Variants in KCNIP1 observed in about 807,000 individuals in gnomAD.
KCNIP1 encodes the protein A-type potassium channel modulatory protein KCNIP1.
A neutral mutation model predicts 33.0 loss-of-function variants in KCNIP1; 18 were observed. The observed-to-expected ratio is 0.55, with a 90% CI of 0.38 to 0.81. KCNIP1 has a LOEUF of 0.81. KCNIP1 is among the 30% of genes least tolerant of loss of function. KCNIP1 has a pLI of 0.00. For synonymous variants in KCNIP1, 93 were observed against 98.3 expected, an observed-to-expected ratio of 0.95 and a Z score of 0.32; for missense variants, 238 against 271.6, an observed-to-expected ratio of 0.88 and a Z score of 0.87.
intron 1 of KCNIP1, among the ~76,000 whole-genome samples, chr5:170,354,406 G>A (rs1280343523): frequency 6.6e-6 from 1 of 152,188 alleles, no homozygotes; most frequent in East Asian, 1.9e-4. Flanking sequence ...GTGATGGGCC[G>A]GCATCTGCTT....
At chr5:170,721,704 T>C (rs1341553821) in intron 3 of KCNIP1, 129 bp from the exon 4 acceptor site, 16 of 1,605,990 alleles carry the variant, frequency 1.0e-5, no homozygotes, top group Non-Finnish European at 1.3e-5. Flanking sequence ...CCCCACTCCA[T>C]AATTTTCTCC....
At chr5:170,481,591 A>G (rs577317613) in intron 1 of KCNIP1, among the ~76,000 whole-genome samples, 1 of 152,140 alleles carries the variant, frequency 6.6e-6, no homozygotes. Context: ...TATATGTTAC[A>G]CCTCACTTTT....
intron 1 of KCNIP1, among the ~76,000 whole-genome samples, chr5:170,380,235 C>G (rs1764185102): frequency 6.6e-6 from 1 of 152,206 alleles, no homozygotes; most frequent in Non-Finnish European, 1.5e-5. Context: ...GGTTTTATCT[C>G]TGTTCTGAGC....
At chr5:170,470,059 A>G (rs1756689435) in intron 1 of KCNIP1, among the ~76,000 whole-genome samples, 1 of 152,124 alleles carries the variant, frequency 6.6e-6, no homozygotes, top group Non-Finnish European at 1.5e-5. Flanking sequence ...CCTGTGTGAA[A>G]ATGGAAGAGC....
intron 1 of KCNIP1, among the ~76,000 whole-genome samples, chr5:170,441,897 A>G (rs1023781365): frequency 7.0e-6 from 1 of 142,560 alleles, no homozygotes; most frequent in South Asian, 2.3e-4. Context: ...GCTTGCAGTG[A>G]GCCAAGATCG....
intron 1 of KCNIP1, among the ~76,000 whole-genome samples, chr5:170,421,817 G>C (rs1755501343): frequency 1.3e-5 from 2 of 152,198 alleles, no homozygotes; most frequent in Non-Finnish European, 2.9e-5. Flanking sequence ...CAGAGTTTCA[G>C]TGAACCAAGA....
At chr5:170,477,995 G>A (rs559260076) in intron 1 of KCNIP1, among the ~76,000 whole-genome samples, 9 of 152,292 alleles carry the variant, frequency 5.9e-5, no homozygotes, top group Middle Eastern at 3.4e-3. Context: ...TGGTTGCTGG[G>A]GAGGTGTCAG....
rs552980398 is a variant in KCNIP1, at chr5:170,736,040, A to G, written c.*234A>G. 4.0e-5 allele frequency: 22 copies of G among 551,324 alleles called. No individual in the cohort carries two copies. In the South Asian group the frequency reaches 5.5e-4, roughly 14 times the overall value. 34.2% of individuals were successfully genotyped at this position (551,324 alleles called of 1,614,324 possible). Reference sequence around the variant, plus strand: ...CTTGAGAGAGACAAGATGAAATTTGAGTTTGTTTTGGAAGCATGCTCATCT... The same window carrying G: ...CTTGAGAGAGACAAGATGAAATTTGGGTTTGTTTTGGAAGCATGCTCATCT... On this transcript the variant is annotated 3_prime_UTR_variant, in exon 8 of 8. Coordinates refer to ENST00000328939, the MANE Select transcript of KCNIP1 (RefSeq NM_014592.4).
intron 1 of KCNIP1, among the ~76,000 whole-genome samples, chr5:170,556,353 G>A (rs941772089): frequency 6.6e-6 from 1 of 152,248 alleles, no homozygotes; most frequent in African/African-American, 2.4e-5. Flanking sequence ...AATGATTTGA[G>A]GGTGATAGCA....
chr5:170,488,783 G>A (rs74917009), intron 1 of KCNIP1, among the ~76,000 whole-genome samples: 3,979 of 152,302 alleles, frequency 0.026, 62 homozygotes, highest in Non-Finnish European at 0.039. Context: ...CCGGGGAAGG[G>A]TGTCTTGAGT....
At chr5:170,666,067 T>C (rs1427566602) in intron 1 of KCNIP1, among the ~76,000 whole-genome samples, 1 of 152,202 alleles carries the variant, frequency 6.6e-6, no homozygotes, top group Non-Finnish European at 1.5e-5. Context: ...AGTCACTGTG[T>C]GCAACTCACA....
At chr5:170,435,831 G>A (rs76215079) in intron 1 of KCNIP1, among the ~76,000 whole-genome samples, 8,829 of 152,106 alleles carry the variant, frequency 0.058, 489 homozygotes, top group African/African-American at 0.13. Context: ...TTCAAGGACA[G>A]GTACCTGGAA....
intron 1 of KCNIP1, among the ~76,000 whole-genome samples, chr5:170,640,598 C>T (rs1760502623): frequency 6.6e-6 from 1 of 152,176 alleles, no homozygotes; most frequent in Middle Eastern, 3.2e-3. Flanking sequence ...CACAGAACAG[C>T]GTCCATCCCT....
At chr5:170,709,270 A>G (rs761010259) in intron 1 of KCNIP1, among the ~76,000 whole-genome samples, 6 of 152,130 alleles carry the variant, frequency 3.9e-5, no homozygotes, top group Non-Finnish European at 8.8e-5. Context: ...ATGACTGTGA[A>G]TTTATTATTT....
intron 1 of KCNIP1, among the ~76,000 whole-genome samples, chr5:170,592,196 GT>G (rs1198829591): frequency 6.6e-6 from 1 of 152,094 alleles, no homozygotes; most frequent in African/African-American, 2.4e-5. Flanking sequence ...TGCTTTGCAG[GT>G]TTTGATTTGT....
intron 1 of KCNIP1, among the ~76,000 whole-genome samples, chr5:170,709,314 G>T (rs1294134831): frequency 2.0e-5 from 3 of 151,994 alleles, no homozygotes; most frequent in Admixed American, 1.3e-4. Context: ...TGCTTTATTT[G>T]TATTTTGAAG....
At chr5:170,556,550 T>C (rs558634596) in intron 1 of KCNIP1, among the ~76,000 whole-genome samples, 1 of 152,200 alleles carries the variant, frequency 6.6e-6, no homozygotes, top group East Asian at 1.9e-4. Flanking sequence ...TGGGAGCCGA[T>C]GTCAACAGGG....
At chr5:170,598,900 TGC>T (rs869212626) in intron 1 of KCNIP1, among the ~76,000 whole-genome samples, 26 of 89,544 alleles carry the variant, frequency 2.9e-4, no homozygotes, top group Non-Finnish European at 4.4e-4. Flanking sequence ...TGTGTGTGTG[TGC>T]GCGTGTGTGT....
At chr5:170,693,252 C>G (rs542720553) in intron 1 of KCNIP1, among the ~76,000 whole-genome samples, 3 of 2,414 alleles carry the variant, frequency 1.2e-3, no homozygotes, top group African/African-American at 2.6e-3. Context: ...CAGCCCCCAT[C>G]CCCCCGACAC....
Sources: allele counts gnomAD v4.1 joint callset (sites outside exome capture counted in the v4.1 genomes callset), GRCh38; gene constraint gnomAD v4.1.1; transcripts MANE v1.5; gene names NCBI Gene and HGNC (gene_info 2026-07-23, HGNC 2026-07-21).